The following C12orf42 variants were observed in gnomAD, a reference collection of about 807,000 sequenced individuals.
The protein encoded by C12orf42 is uncharacterized protein C12orf42.
Under a neutral mutation model 21.6 loss-of-function variants are expected in C12orf42, and 25 were observed. That is an observed-to-expected ratio of 1.16 (90% CI 0.84 to 1.62). C12orf42 has a LOEUF of 1.62. C12orf42 is among the 40% of genes most tolerant of loss of function. The pLI, the probability that C12orf42 is intolerant of heterozygous loss-of-function variation, is 0.00. For synonymous variants in C12orf42, 174 were observed against 175.0 expected, an observed-to-expected ratio of 0.99 and a Z score of 0.05; for missense variants, 483 against 459.3, an observed-to-expected ratio of 1.05 and a Z score of -0.47.
chr12:103,427,547 C>T (rs1765139891), intron 2 of C12orf42, among the ~76,000 whole-genome samples: 2 of 152,256 alleles, frequency 1.3e-5, no homozygotes, highest in African/African-American at 2.4e-5. Flanking sequence ...TAACACCCCA[C>T]TGTCAATATT....
In C12orf42 at chr12:103,314,622, G is replaced by A. The variant is rs1005865840; in HGVS notation, c.260-8277C>T. 1.4e-4 allele frequency among the ~76,000 whole-genome samples: 20 copies of A among 147,226 alleles called. No individual in the cohort carries two copies. In the East Asian group the frequency reaches 3.5e-3, roughly 26 times the overall value. ...AAAGTCTGAAAAAGATTCCGTCATGGATTTGACAGGAGGAAGATTTGGATT... is the reference window on the plus strand; with the variant it reads ...AAAGTCTGAAAAAGATTCCGTCATGAATTTGACAGGAGGAAGATTTGGATT... On this transcript the variant is annotated intron_variant, in intron 4 of 5. Transcript: ENST00000548883.
At chr12:103,112,457 C>T in the C12orf42 span, among the ~76,000 whole-genome samples, 578 of 152,100 alleles carry the variant, frequency 3.8e-3, 3 homozygotes, top group African/African-American at 0.014. Flanking sequence ...GTCAGGAGTT[C>T]CAGACAAGCC....
the C12orf42 span, among the ~76,000 whole-genome samples, chr12:103,144,943 C>G: frequency 6.6e-6 from 1 of 152,100 alleles, no homozygotes; most frequent in African/African-American, 2.4e-5. Context: ...GTGTCCTTCC[C>G]TCAAGATTCA....
chr12:103,464,020 C>T lies in C12orf42; in HGVS notation c.78+14329G>A, dbSNP rs145727299. 1.4e-4 allele frequency among the ~76,000 whole-genome samples: 22 copies of T among 152,122 alleles called. No homozygotes were observed. The East Asian group carries it at 2.7e-3, about 19-fold the overall frequency. On this transcript the variant is annotated intron_variant, in intron 2 of 5. Coordinates refer to ENST00000548883, the MANE Select transcript of C12orf42 (RefSeq NM_198521.5). ...TCCATGTCTTTGCTATTGTGAATAG[C>T]GCTGTAATGAACACACACATGCATG...
chr12:103,295,198 C>A (rs59912975), intron 4 of C12orf42, among the ~76,000 whole-genome samples: 1 of 152,038 alleles, frequency 6.6e-6, no homozygotes, highest in Non-Finnish European at 1.5e-5. Flanking sequence ...TTCCTGTGTC[C>A]CTGTGTGACT....
chr12:103,150,882 A>T, the C12orf42 span, among the ~76,000 whole-genome samples: 71 of 152,328 alleles, frequency 4.7e-4, no homozygotes, highest in African/African-American at 1.6e-3. Context: ...ATTCTCATAG[A>T]TTACAGCCTT....
At chr12:103,475,777 C>A (rs1010784137) in intron 2 of C12orf42, among the ~76,000 whole-genome samples, 1 of 152,208 alleles carries the variant, frequency 6.6e-6, no homozygotes, top group Non-Finnish European at 1.5e-5. Flanking sequence ...AAGTATAACT[C>A]TGTATTTCCA....
the C12orf42 span, among the ~76,000 whole-genome samples, chr12:103,115,085 G>A: frequency 6.6e-6 from 1 of 152,172 alleles, no homozygotes. Context: ...TTGAGTTCTG[G>A]CTGGTCACAC....
intron 10 of C12orf42, among the ~76,000 whole-genome samples, chr12:103,254,224 T>C (rs1565996758): frequency 6.6e-6 from 1 of 152,222 alleles, no homozygotes; most frequent in Non-Finnish European, 1.5e-5. Context: ...CACCATTTAT[T>C]AAATAGGGGA....
chr12:103,417,384 T>C (rs1484507975), intron 2 of C12orf42, among the ~76,000 whole-genome samples: 1 of 152,190 alleles, frequency 6.6e-6, no homozygotes, highest in Admixed American at 6.5e-5. Flanking sequence ...CATGTTATTT[T>C]CCCTGCTCGT....
the C12orf42 span, among the ~76,000 whole-genome samples, chr12:103,114,319 G>A: frequency 9.5e-3 from 1,440 of 152,310 alleles, 11 homozygotes; most frequent in Middle Eastern, 0.024. Flanking sequence ...GTGGTGCACG[G>A]GAAGCGTGGC....
chr12:103,157,024 G>GT, the C12orf42 span, among the ~76,000 whole-genome samples: 1 of 152,054 alleles, frequency 6.6e-6, no homozygotes, highest in Admixed American at 6.5e-5. Flanking sequence ...GGTACTTCTG[G>GT]TTCTAGATCC....
chr12:103,411,636 A>T (rs760453463), intron 2 of C12orf42, among the ~76,000 whole-genome samples: 6 of 152,194 alleles, frequency 3.9e-5, no homozygotes, highest in African/African-American at 7.2e-5. Flanking sequence ...GGAGCTTGTT[A>T]TCTTCTTCTG....
chr12:103,210,411 T>C, the C12orf42 span, among the ~76,000 whole-genome samples: 1 of 152,148 alleles, frequency 6.6e-6, no homozygotes, highest in Non-Finnish European at 1.5e-5. Context: ...CCTAATATTC[T>C]TTCCCACACA....
intron 4 of C12orf42, among the ~76,000 whole-genome samples, chr12:103,287,667 G>A (rs1211727164): frequency 1.3e-5 from 2 of 150,684 alleles, no homozygotes; most frequent in African/African-American, 2.4e-5. Flanking sequence ...TAACAAAACT[G>A]CACGTTGTGC....
chr12:103,142,866 C>A, the C12orf42 span, among the ~76,000 whole-genome samples: 1 of 152,066 alleles, frequency 6.6e-6, no homozygotes, highest in Non-Finnish European at 1.5e-5. Context: ...TTAATCAAGT[C>A]CACCTAGAGT....
chr12:103,113,148 TC>T, the C12orf42 span, among the ~76,000 whole-genome samples: 1 of 152,148 alleles, frequency 6.6e-6, no homozygotes, highest in South Asian at 2.1e-4. Flanking sequence ...TGAAATTTGT[TC>T]AGTGCTTTTT....
the C12orf42 span, among the ~76,000 whole-genome samples, chr12:103,146,283 C>G: frequency 2.0e-5 from 3 of 151,364 alleles, no homozygotes; most frequent in Non-Finnish European, 4.4e-5. Flanking sequence ...GAGTTTGAGA[C>G]CAGCCTCACC....
At chr12:103,351,434 C>T (rs925781533) in intron 4 of C12orf42, among the ~76,000 whole-genome samples, 29 of 152,078 alleles carry the variant, frequency 1.9e-4, no homozygotes, top group African/African-American at 6.5e-4. Context: ...CTGCCTGATT[C>T]GCAAATTGTT....
Sources: allele counts gnomAD v4.1 joint callset (sites outside exome capture counted in the v4.1 genomes callset), GRCh38; gene constraint gnomAD v4.1.1; transcripts MANE v1.5; gene names NCBI Gene and HGNC (gene_info 2026-07-23, HGNC 2026-07-21).